The following PACRG variants were observed in gnomAD, a reference collection of about 807,000 sequenced individuals.
PACRG encodes the protein parkin coregulated gene protein.
In PACRG, 29 loss-of-function variants were observed where a neutral mutation model predicts 29.7. The ratio of observed to expected loss-of-function variants is 0.98; its 90% CI spans 0.73 to 1.33. PACRG has a LOEUF of 1.33. PACRG is among the 40% of genes most tolerant of loss of function. The pLI is 0.00. For missense variants in PACRG, 279 were observed against 316.2 expected, an observed-to-expected ratio of 0.88 and a Z score of 0.89; for synonymous variants, 116 against 118.7, an observed-to-expected ratio of 0.98 and a Z score of 0.15.
At chr6:163,118,250 A>G (rs1457285711) in intron 4 of PACRG, among the ~76,000 whole-genome samples, 1 of 152,192 alleles carries the variant, frequency 6.6e-6, no homozygotes, top group African/African-American at 2.4e-5. Flanking sequence ...TTTTCGGATG[A>G]ACGGGTTTAT....
At chr6:163,219,139 C>T (rs1289488122) in intron 4 of PACRG, among the ~76,000 whole-genome samples, 1 of 152,214 alleles carries the variant, frequency 6.6e-6, no homozygotes, top group Non-Finnish European at 1.5e-5. Context: ...CCTCACTATT[C>T]CTATTTGAAT....
chr6:163,114,778 G>A (rs1815891639), intron 4 of PACRG, among the ~76,000 whole-genome samples: 2 of 151,268 alleles, frequency 1.3e-5, no homozygotes, highest in Admixed American at 1.3e-4. Context: ...GAGAGCTAAT[G>A]TACAGCATGG....
chr6:162,925,706 T>G (rs1191328816), intron 2 of PACRG, among the ~76,000 whole-genome samples: 1 of 152,162 alleles, frequency 6.6e-6, no homozygotes, highest in African/African-American at 2.4e-5. Flanking sequence ...AATGTCATAC[T>G]GAATGGACAA....
At chr6:163,172,496 G>GCACACACACACA (rs1779135558) in intron 4 of PACRG, among the ~76,000 whole-genome samples, 1 of 152,020 alleles carries the variant, frequency 6.6e-6, no homozygotes, top group African/African-American at 2.4e-5. Context: ...ACACACACAC[G>GCACACACACACA]CATGCATGCA....
rs1802820393 is a variant in PACRG at position 162,985,595 on chromosome 6, A to G, written c.292-76555A>G. ...GCCATGTATGACAATCCCACAGCCA[A>G]CATTATACTGAATGGGGAAAATTTG... On this transcript the variant is annotated intron_variant, in intron 2 of 4. Transcript: ENST00000366888. Among the ~76,000 whole-genome samples, 2 of 152,120 alleles carry G rather than the reference A, an allele frequency of 1.3e-5. 1 individual carries two copies. The highest frequency in any genetic ancestry group is 4.1e-4 in the South Asian group (2 of 4,830).
chr6:163,157,492 G>A (rs958763623), intron 4 of PACRG, among the ~76,000 whole-genome samples: 9 of 152,216 alleles, frequency 5.9e-5, no homozygotes, highest in Non-Finnish European at 8.8e-5. Context: ...CTGTGAACAG[G>A]AAACTTGTCT....
At chr6:162,951,091 T>A (rs1163773404) in intron 2 of PACRG, among the ~76,000 whole-genome samples, 1 of 152,198 alleles carries the variant, frequency 6.6e-6, no homozygotes, top group Non-Finnish European at 1.5e-5. Context: ...AGTTGGGTAT[T>A]ATTTGTTTCA....
chr6:162,984,689 TA>T (rs1337999866), intron 2 of PACRG, among the ~76,000 whole-genome samples: 1 of 151,360 alleles, frequency 6.6e-6, no homozygotes, highest in East Asian at 1.9e-4. Flanking sequence ...AGTATTTTTT[TA>T]TTATGGCCAT....
At chr6:162,941,036 GTGTGTTTGTGCA>G (rs71008120) in intron 2 of PACRG, among the ~76,000 whole-genome samples, 61,516 of 144,216 alleles carry the variant, frequency 0.43, 12,979 homozygotes, top group East Asian at 0.52. Context: ...TTGTATATGT[GTGTGTTTGTGCA>G]TGTGTGTGTG....
At chr6:163,102,789 G>T (rs192315167) in intron 4 of PACRG, among the ~76,000 whole-genome samples, 54 of 150,344 alleles carry the variant, frequency 3.6e-4, no homozygotes, top group Admixed American at 1.4e-3. Flanking sequence ...CCCATCATGA[G>T]GACTGCCTAA....
chr6:162,986,438 C>G (rs965945998), intron 2 of PACRG, among the ~76,000 whole-genome samples: 3 of 152,044 alleles, frequency 2.0e-5, no homozygotes, highest in Middle Eastern at 3.2e-3. Context: ...TTAGACAAAG[C>G]AAACAAAAAC....
intron 4 of PACRG, among the ~76,000 whole-genome samples, chr6:163,120,068 T>C (rs934454174): frequency 2.0e-5 from 3 of 152,198 alleles, no homozygotes; most frequent in Admixed American, 6.5e-5. Context: ...TCCTTTTTTA[T>C]AATAGAAATG....
chr6:163,141,400 A>T (rs779369154), intron 4 of PACRG, among the ~76,000 whole-genome samples: 10 of 151,964 alleles, frequency 6.6e-5, no homozygotes, highest in Non-Finnish European at 1.3e-4. Flanking sequence ...AATTGATAAA[A>T]TGTCAGTAAG....
chr6:162,839,717 A>G (rs1413631537), intron 2 of PACRG, among the ~76,000 whole-genome samples: 3 of 152,184 alleles, frequency 2.0e-5, no homozygotes, highest in Admixed American at 6.5e-5. Flanking sequence ...TAGGGTTTTT[A>G]TGGTTTGAGG....
chr6:162,756,195 T>C (rs1157763431), intron 1 of PACRG, among the ~76,000 whole-genome samples: 1 of 152,186 alleles, frequency 6.6e-6, no homozygotes, highest in Non-Finnish European at 1.5e-5. Flanking sequence ...CCAATGTTTC[T>C]TTATTGATAT....
intron 2 of PACRG, among the ~76,000 whole-genome samples, chr6:162,862,680 T>TAA (rs1156788958): frequency 6.6e-6 from 1 of 152,328 alleles, no homozygotes; most frequent in East Asian, 1.9e-4. Context: ...TGCTTTCAGA[T>TAA]ACGTTTCTCA....
chr6:162,826,472 T>TA (rs1186497969), intron 2 of PACRG, among the ~76,000 whole-genome samples: 1 of 151,418 alleles, frequency 6.6e-6, no homozygotes, highest in East Asian at 1.9e-4. Flanking sequence ...TTTTCTTTTT[T>TA]TTTTTTTTGA....
intron 4 of PACRG, among the ~76,000 whole-genome samples, chr6:163,215,221 C>G (rs1781315821): frequency 6.6e-6 from 1 of 152,028 alleles, no homozygotes; most frequent in South Asian, 2.1e-4. Context: ...TATCATCTTT[C>G]AGTGTCAGTG....
At chr6:162,803,241 C>T (rs532015776) in intron 1 of PACRG, among the ~76,000 whole-genome samples, 7 of 152,086 alleles carry the variant, frequency 4.6e-5, no homozygotes, top group African/African-American at 1.4e-4. Context: ...AGTGAGGGCA[C>T]GAGGGAGAAT....
Sources: gnomAD v4.1 joint callset for allele counts (sites outside exome capture counted in the v4.1 genomes callset) on GRCh38, gnomAD v4.1.1 for gene constraint, MANE v1.5 for transcripts, NCBI Gene and HGNC (gene_info 2026-07-23, HGNC 2026-07-21) for gene names.